Variants in HPSE2 observed in about 807,000 individuals in gnomAD.
HPSE2 encodes heparanase 2 (inactive), also known as inactive heparanase-2.
A neutral mutation model predicts 60.5 loss-of-function variants in HPSE2; 38 were observed. The ratio of observed to expected loss-of-function variants is 0.63; its 90% confidence interval spans 0.48 to 0.82. The LOEUF (loss-of-function observed/expected upper bound fraction) is 0.82. Ranked by LOEUF, HPSE2 falls within the 40% of genes least tolerant of loss-of-function variation. The pLI, the probability that HPSE2 is intolerant of heterozygous loss-of-function variation, is 0.00. For synonymous variants in HPSE2, 295 were observed against 293.2 expected (o/e 1.01, Z -0.06); for missense variants, 713 against 740.4 (o/e 0.96, Z 0.43).
chr10:98,688,465 C>CTTT lies in HPSE2; in HGVS notation c.1004+5432_1004+5434dup, dbSNP rs562095149. Among the ~76,000 whole-genome samples the CTTT allele has an allele frequency of 2.0e-3, 205 of 103,788 alleles. 18 individuals are homozygous for CTTT. The highest frequency in any genetic ancestry group is 3.7e-3 in the East Asian group (13 of 3,520). 68.1% of individuals were successfully genotyped at this position (103,788 alleles called of 152,430 possible). On this transcript the variant is annotated intron_variant, in intron 6 of 11. Coordinates refer to ENST00000370552, the MANE Select transcript of HPSE2 (RefSeq NM_021828.5). ...GTCTGAAGAATTTCCTTTAGCATTT[C>CTTT]TTTTTTTTTTTCTTTTTTTTTTTTT...
intron 2 of HPSE2, among the ~76,000 whole-genome samples, chr10:99,156,637 G>A (rs61883597): frequency 1.7e-4 from 14 of 82,478 alleles, no homozygotes; most frequent in Admixed American, 3.8e-4. Context: ...AACCCACAGC[G>A]AATATCATAC....
chr10:98,580,618 T>C (rs901394632), intron 9 of HPSE2, among the ~76,000 whole-genome samples: 3 of 152,124 alleles, frequency 2.0e-5, no homozygotes, highest in Non-Finnish European at 2.9e-5. Flanking sequence ...CTGAATATAA[T>C]ACACTGTGGG....
intron 9 of HPSE2, among the ~76,000 whole-genome samples, chr10:98,514,944 G>C (rs866314000): frequency 6.6e-6 from 1 of 151,414 alleles, no homozygotes; most frequent in Admixed American, 6.6e-5. Flanking sequence ...GACTGGTCTC[G>C]AGCTCCTGAC....
chr10:99,223,761 T>C (rs1485139349), intron 2 of HPSE2, among the ~76,000 whole-genome samples: 1 of 152,144 alleles, frequency 6.6e-6, no homozygotes, highest in African/African-American at 2.4e-5. Context: ...CTTAAGTCAG[T>C]CTGGGTACTT....
At chr10:99,300,829 A>T in the HPSE2 span, among the ~76,000 whole-genome samples, 1 of 152,208 alleles carries the variant, frequency 6.6e-6, no homozygotes, top group African/African-American at 2.4e-5. Context: ...AATGTTAATT[A>T]TTCATGGAAA....
At chr10:98,545,356 GA>G (rs1178334736) in intron 9 of HPSE2, among the ~76,000 whole-genome samples, 3 of 152,090 alleles carry the variant, frequency 2.0e-5, no homozygotes, top group Admixed American at 6.5e-5. Flanking sequence ...AACCAAAAAA[GA>G]GAATTTTAGA....
chr10:99,041,771 T>G (rs1487285048), intron 3 of HPSE2, among the ~76,000 whole-genome samples: 1 of 152,126 alleles, frequency 6.6e-6, no homozygotes, highest in Non-Finnish European at 1.5e-5. Context: ...CTAAGCACTC[T>G]GGCCCTGCAT....
chr10:99,094,125 T>G (rs1357766950), intron 3 of HPSE2, among the ~76,000 whole-genome samples: 3 of 152,130 alleles, frequency 2.0e-5, no homozygotes, highest in Non-Finnish European at 4.4e-5. Context: ...TAATTTAAAG[T>G]TGCTTATATT....
intron 2 of HPSE2, among the ~76,000 whole-genome samples, chr10:99,147,552 T>A (rs1159061181): frequency 1.3e-5 from 2 of 152,150 alleles, no homozygotes; most frequent in Admixed American, 1.3e-4. Flanking sequence ...ATCCTCAACA[T>A]CATTCCAACA....
intron 9 of HPSE2, among the ~76,000 whole-genome samples, chr10:98,493,413 T>C (rs894935329): frequency 6.6e-6 from 1 of 152,200 alleles, no homozygotes; most frequent in Non-Finnish European, 1.5e-5. Flanking sequence ...TCAACTGTTA[T>C]TGCAGAAGTG....
At chr10:99,058,663 A>G (rs1958167596) in intron 3 of HPSE2, among the ~76,000 whole-genome samples, 1 of 152,216 alleles carries the variant, frequency 6.6e-6, no homozygotes, top group Non-Finnish European at 1.5e-5. Flanking sequence ...TTAAGCAGTA[A>G]AAGAAAATAT....
intron 3 of HPSE2, among the ~76,000 whole-genome samples, chr10:99,030,500 A>G (rs561706827): frequency 9.8e-5 from 15 of 152,366 alleles, no homozygotes; most frequent in Admixed American, 3.3e-4. Flanking sequence ...ACACATGCTG[A>G]TAAGAATGCA....
chr10:98,613,282 C>T (rs1028438945), intron 9 of HPSE2, among the ~76,000 whole-genome samples: 1 of 152,126 alleles, frequency 6.6e-6, no homozygotes, highest in Non-Finnish European at 1.5e-5. Flanking sequence ...TATTTTATTT[C>T]TGCAAAAACA....
chr10:99,296,300 C>A, the HPSE2 span, among the ~76,000 whole-genome samples: 1 of 152,066 alleles, frequency 6.6e-6, no homozygotes, highest in African/African-American at 2.4e-5. Flanking sequence ...AGATGCTGAA[C>A]CAGATTGAGG....
intron 3 of HPSE2, among the ~76,000 whole-genome samples, chr10:99,087,345 C>G (rs892982602): frequency 1.3e-5 from 2 of 152,190 alleles, no homozygotes; most frequent in African/African-American, 2.4e-5. Flanking sequence ...GTGATACTTT[C>G]TGGCGTCCCA....
At chr10:98,739,819 A>G (rs1949451676) in intron 4 of HPSE2, among the ~76,000 whole-genome samples, 1 of 152,188 alleles carries the variant, frequency 6.6e-6, no homozygotes, top group Non-Finnish European at 1.5e-5. Context: ...ATAGTTCATA[A>G]TGTAGTTCAG....
Position 99,217,246 on chromosome 10 carries a change from T to C in HPSE2, c.448+15102A>G, listed in dbSNP as rs184618855. 2.0e-3 allele frequency among the ~76,000 whole-genome samples: 290 copies of C among 148,180 alleles called. 1 individual carries two copies. Among genetic ancestry groups the C allele is most frequent in the Admixed American group, 4.0e-3 (60 of 14,946 alleles). The stretch of plus-strand genomic sequence containing the variant: ...AAACTTCCAGGTGATGCCCTCCTCC[T>C]GGTTCCCGGGCCAGGAGGAGGGCAT... On this transcript the variant is annotated intron_variant, in intron 2 of 11. Transcript: ENST00000370552.
intron 9 of HPSE2, among the ~76,000 whole-genome samples, chr10:98,606,727 T>C (rs1407014739): frequency 6.6e-6 from 1 of 152,250 alleles, no homozygotes; most frequent in African/African-American, 2.4e-5. Context: ...AATGTTATAG[T>C]GTAGTACATT....
chr10:99,168,622 G>A (rs1847179262), intron 2 of HPSE2, among the ~76,000 whole-genome samples: 1 of 152,164 alleles, frequency 6.6e-6, no homozygotes, highest in South Asian at 2.1e-4. Context: ...TTAGCTTGCA[G>A]GTAGACTCAC....
Sources: allele counts gnomAD v4.1 joint callset (sites outside exome capture counted in the v4.1 genomes callset), GRCh38; gene constraint gnomAD v4.1.1; transcripts MANE v1.5; gene names NCBI Gene and HGNC (gene_info 2026-07-23, HGNC 2026-07-21).